Variants in TRDN observed in about 807,000 individuals in gnomAD.
TRDN encodes the protein triadin in skeletal muscle.
Under a neutral mutation model 149.7 loss-of-function variants are expected in TRDN, and 161 were observed. The observed-to-expected ratio is 1.08, with a 90% CI of 0.95 to 1.23. The LOEUF (loss-of-function observed/expected upper bound fraction) is 1.23. TRDN is among the 50% of genes most tolerant of loss of function. The pLI is 0.00. For missense variants in TRDN, 896 were observed against 823.5 expected, an observed-to-expected ratio of 1.09 and a Z score of -1.08; for synonymous variants, 294 against 250.5, an observed-to-expected ratio of 1.17 and a Z score of -1.64.
chr6:123,593,106 A>C (rs1195264903), intron 1 of TRDN, among the ~76,000 whole-genome samples: 1 of 152,224 alleles, frequency 6.6e-6, no homozygotes, highest in Non-Finnish European at 1.5e-5. Flanking sequence ...AAAGAGCCAG[A>C]TCATTAAAGA....
intron 10 of TRDN, chr6:123,464,652 C>T: frequency 9.0e-6 from 11 of 1,215,842 alleles, no homozygotes; most frequent in Middle Eastern, 3.5e-4. Context: ...TATTTTTTTG[C>T]TTGATTCCCA....
intron 9 of TRDN, among the ~76,000 whole-genome samples, 195 bp downstream of exon 9, chr6:123,496,998 T>C (rs1778477260): frequency 6.6e-6 from 1 of 152,038 alleles, no homozygotes; most frequent in African/African-American, 2.4e-5. Flanking sequence ...TCATTTGCAA[T>C]AGGCCATGCA....
chr6:123,504,976 C>T (rs1254836722), intron 7 of TRDN, among the ~76,000 whole-genome samples: 8 of 152,018 alleles, frequency 5.3e-5, no homozygotes, highest in Non-Finnish European at 8.8e-5. Context: ...CCGGGCATGG[C>T]GGCTCATGCC....
intron 22 of TRDN, among the ~76,000 whole-genome samples, chr6:123,336,484 A>G (rs1779874473): frequency 6.6e-6 from 1 of 152,010 alleles, no homozygotes; most frequent in Admixed American, 6.6e-5. Flanking sequence ...TCTCATTTAC[A>G]TTTCATATTA....
At chr6:123,515,442 C>T (rs1779370377) in intron 6 of TRDN, among the ~76,000 whole-genome samples, 1 of 151,760 alleles carries the variant, frequency 6.6e-6, no homozygotes, top group African/African-American at 2.4e-5. Context: ...AAACACTATG[C>T]AGCTTTTTAA....
At chr6:123,362,730 T>C (rs974766189) in intron 20 of TRDN, among the ~76,000 whole-genome samples, 5 of 152,138 alleles carry the variant, frequency 3.3e-5, no homozygotes, top group African/African-American at 1.2e-4. Context: ...AATATGGTAA[T>C]ACAAAAAACT....
intron 1 of TRDN, among the ~76,000 whole-genome samples, chr6:123,587,262 C>T (rs998456919): frequency 3.3e-5 from 5 of 152,114 alleles, no homozygotes; most frequent in Non-Finnish European, 5.9e-5. Flanking sequence ...GATTAAACAC[C>T]AAGGGAAGGC....
intron 38 of TRDN, among the ~76,000 whole-genome samples, chr6:123,224,475 A>C (rs1344207574): frequency 6.6e-6 from 1 of 151,792 alleles, no homozygotes; most frequent in Non-Finnish European, 1.5e-5. Context: ...AATTTAGGAA[A>C]GTTAAGGTAA....
chr6:123,526,569 T>C (rs1194628096), intron 5 of TRDN, among the ~76,000 whole-genome samples: 2 of 152,094 alleles, frequency 1.3e-5, no homozygotes, highest in African/African-American at 2.4e-5. Flanking sequence ...CAGGTAAACC[T>C]ACGTATTCTT....
At chr6:123,417,743 A>G (rs988060898) in intron 12 of TRDN, among the ~76,000 whole-genome samples, 3 of 152,186 alleles carry the variant, frequency 2.0e-5, no homozygotes, top group African/African-American at 7.2e-5. Context: ...ACTGCCCTAA[A>G]GCCTTCAGGG....
rs565938388 is a variant in TRDN at position 123,257,791 on chromosome 6, G to T, written c.1870+1833C>A. On this transcript the variant is annotated intron_variant, in intron 35 of 40. Transcript: ENST00000334268. ...AGCATGGAAGGTTTTCCATTTGTTT[G>T]TGTCCTCTTTTATTTCCTTGAGCAG... 3.2e-4 allele frequency among the ~76,000 whole-genome samples: 49 copies of T among 152,288 alleles called. 1 individual carries two copies. Among genetic ancestry groups the T allele is most frequent in the Admixed American group, 3.2e-3 (49 of 15,290 alleles).
chr6:123,427,844 G>T (rs940642990), intron 12 of TRDN, among the ~76,000 whole-genome samples: 5 of 152,052 alleles, frequency 3.3e-5, no homozygotes, highest in Non-Finnish European at 5.9e-5. Flanking sequence ...AGAGGGGAAG[G>T]ATTTAATTCT....
chr6:123,636,946 C>T lies in TRDN; in HGVS notation c.-171G>A, dbSNP rs1320418003. 1.0e-5 allele frequency: 7 copies of T among 693,064 alleles called. No homozygotes were observed. The highest frequency in any genetic ancestry group is 1.5e-5 in the Non-Finnish European group (6 of 406,510). The allele number at this position is 693,064 out of a possible 1,614,324, so 42.9% of individuals were successfully genotyped here. A position where few individuals can be genotyped will look rare whatever the true frequency, so the allele number is the denominator to read the frequency against. Reference sequence around the variant, plus strand: ...TGTTGTCCTGTTGAACTTTGCCTCTCCTCTGCAGAGTTCTCCCCCTGGAAA... The same window carrying T: ...TGTTGTCCTGTTGAACTTTGCCTCTTCTCTGCAGAGTTCTCCCCCTGGAAA... On this transcript the variant is annotated 5_prime_UTR_variant, in exon 1 of 41. Coordinates refer to ENST00000334268, the MANE Select transcript of TRDN (RefSeq NM_006073.4).
chr6:123,283,796 A>C (rs1777690599), intron 24 of TRDN, among the ~76,000 whole-genome samples: 1 of 150,378 alleles, frequency 6.6e-6, no homozygotes, highest in African/African-American at 2.4e-5. Flanking sequence ...AGCGAGACTG[A>C]AATGATAATA....
intron 20 of TRDN, among the ~76,000 whole-genome samples, chr6:123,362,042 A>G (rs1442560834): frequency 6.6e-6 from 1 of 152,096 alleles, no homozygotes; most frequent in Non-Finnish European, 1.5e-5. Flanking sequence ...TTCTCTCCAA[A>G]GTCTTTAGCT....
At chr6:123,411,874 C>G (rs1296619895) in intron 12 of TRDN, 5 of 152,190 alleles carry the variant, frequency 3.3e-5, no homozygotes, top group Non-Finnish European at 7.3e-5. Flanking sequence ...AAGAGCAGAA[C>G]TCACAGAGAG....
chr6:123,424,267 C>A (rs1453170241), intron 12 of TRDN, among the ~76,000 whole-genome samples: 1 of 152,132 alleles, frequency 6.6e-6, no homozygotes, highest in Non-Finnish European at 1.5e-5. Flanking sequence ...CTCCTTCCTG[C>A]CTAACTGCCC....
At chr6:123,255,835 G>T in intron 36 of TRDN, 32 bp downstream of exon 36, 1 of 1,300,248 alleles carries the variant, frequency 7.7e-7, no homozygotes, top group Non-Finnish European at 1.0e-6. Flanking sequence ...TCAGGGCTTT[G>T]CATTCTATTT....
chr6:123,618,397 G>A (rs937808678), intron 1 of TRDN, among the ~76,000 whole-genome samples: 8 of 151,888 alleles, frequency 5.3e-5, no homozygotes, highest in East Asian at 3.9e-4. Context: ...TGCATCTCCC[G>A]CTGGCCACCA....
Sources: allele counts gnomAD v4.1 joint callset (sites outside exome capture counted in the v4.1 genomes callset), GRCh38; gene constraint gnomAD v4.1.1; transcripts MANE v1.5; gene names NCBI Gene and HGNC (gene_info 2026-07-23, HGNC 2026-07-21).